Variants in DGKB observed in about 807,000 individuals in gnomAD.
The protein encoded by DGKB is 90 kDa diacylglycerol kinase.
DGKB carries 67 observed loss-of-function variants against 114.3 expected under a neutral mutation model. That is an observed-to-expected ratio of 0.59 (90% confidence interval 0.48 to 0.72). DGKB has a LOEUF of 0.72. Ranked by LOEUF, DGKB falls within the 30% of genes least tolerant of loss-of-function variation. DGKB has a pLI of 0.00. For synonymous variants in DGKB, 398 were observed against 323.1 expected, an observed-to-expected ratio of 1.23 and a Z score of -2.49; for missense variants, 907 against 975.2, an observed-to-expected ratio of 0.93 and a Z score of 0.93.
At chr7:14,231,141 TTC>T (rs759072732) in intron 23 of DGKB, among the ~76,000 whole-genome samples, 2 of 144,718 alleles carry the variant, frequency 1.4e-5, no homozygotes, top group African/African-American at 2.6e-5. Context: ...CTTTCTTTCT[TTC>T]TTTTTCTTTC....
At chr7:14,580,836 T>C (rs774864913) in intron 19 of DGKB, 26 bp downstream of exon 19, 1 of 1,554,772 alleles carries the variant, frequency 6.4e-7, no homozygotes, top group Non-Finnish European at 8.8e-7. Flanking sequence ...GTACTGTTTC[T>C]GCTTTTGTTG....
At chr7:14,695,625 G>A (rs1470161835) in intron 8 of DGKB, among the ~76,000 whole-genome samples, 3 of 148,912 alleles carry the variant, frequency 2.0e-5, no homozygotes, top group African/African-American at 4.9e-5. Flanking sequence ...TCAGCCTCCC[G>A]AGTAGCTGGG....
intron 13 of DGKB, among the ~76,000 whole-genome samples, chr7:14,644,062 A>G (rs936469647): frequency 5.3e-5 from 8 of 152,054 alleles, no homozygotes; most frequent in Non-Finnish European, 1.0e-4. Flanking sequence ...CTCCACAAAC[A>G]ACTACAGCCT....
intron 25 of DGKB, among the ~76,000 whole-genome samples, chr7:14,149,902 T>C (rs1428944903): frequency 6.6e-6 from 1 of 152,192 alleles, no homozygotes; most frequent in African/African-American, 2.4e-5. Flanking sequence ...AGCTACTCGT[T>C]TTGATTTCTT....
rs1173399974 is a variant in DGKB at position 14,667,832 on chromosome 7, G to T, written c.1134+5097C>A. Among the ~76,000 whole-genome samples, 6 of 152,174 alleles carry T rather than the reference G, an allele frequency of 3.9e-5. No homozygotes were observed. In the East Asian group the frequency reaches 1.2e-3, roughly 29 times the overall value. On this transcript the variant is annotated intron_variant, in intron 13 of 25. Transcript: ENST00000402815. Reference sequence around the variant, plus strand: ...AATATTTTTATTCCGTGACAAGAAAGTAACCTTTTAATTCGGACTTAGCTA... The same window carrying T: ...AATATTTTTATTCCGTGACAAGAAATTAACCTTTTAATTCGGACTTAGCTA...
intron 20 of DGKB, among the ~76,000 whole-genome samples, chr7:14,510,826 G>T (rs1302619427): frequency 6.6e-6 from 1 of 152,160 alleles, no homozygotes; most frequent in Non-Finnish European, 1.5e-5. Context: ...TGTGTTAGCA[G>T]GCATAAAAAC....
At chr7:14,613,634 G>A (rs1434629948) in intron 15 of DGKB, among the ~76,000 whole-genome samples, 1 of 151,798 alleles carries the variant, frequency 6.6e-6, no homozygotes, top group African/African-American at 2.4e-5. Flanking sequence ...AGAAAGGCAT[G>A]CCTATCTAGA....
At chr7:14,948,806 T>G (rs901540501) in intron 1 of DGKB, among the ~76,000 whole-genome samples, 4 of 151,560 alleles carry the variant, frequency 2.6e-5, no homozygotes, top group African/African-American at 7.3e-5. Context: ...ATATCAGACT[T>G]CTCAACAGCA....
intron 23 of DGKB, among the ~76,000 whole-genome samples, chr7:14,185,764 G>A (rs1326852324): frequency 6.6e-6 from 1 of 152,156 alleles, no homozygotes; most frequent in Admixed American, 6.5e-5. Context: ...CATAAAGTGG[G>A]GGAAAGGACA....
chr7:14,601,212 C>T (rs1803487065), intron 17 of DGKB, among the ~76,000 whole-genome samples: 1 of 152,166 alleles, frequency 6.6e-6, no homozygotes, highest in Admixed American at 6.5e-5. Context: ...TGGAGTGGCC[C>T]AGGAGTGCTG....
At chr7:14,554,903 T>A (rs1795661734) in intron 20 of DGKB, among the ~76,000 whole-genome samples, 1 of 152,172 alleles carries the variant, frequency 6.6e-6, no homozygotes, top group Admixed American at 6.5e-5. Flanking sequence ...TTATTTTTGT[T>A]GAAAACATTT....
At chr7:14,215,099 A>G (rs1333742545) in intron 23 of DGKB, among the ~76,000 whole-genome samples, 2 of 152,174 alleles carry the variant, frequency 1.3e-5, no homozygotes, top group Non-Finnish European at 2.9e-5. Context: ...CATGAACGCA[A>G]TGATTATGAC....
At chr7:14,444,482 A>G (rs1830475918) in intron 21 of DGKB, among the ~76,000 whole-genome samples, 1 of 151,864 alleles carries the variant, frequency 6.6e-6, no homozygotes, top group South Asian at 2.1e-4. Context: ...ATAAGAATTC[A>G]TATGCGGTCT....
At chr7:14,357,205 C>A (rs1814725525) in intron 21 of DGKB, among the ~76,000 whole-genome samples, 1 of 152,148 alleles carries the variant, frequency 6.6e-6, no homozygotes, top group Non-Finnish European at 1.5e-5. Flanking sequence ...GTGTTAATGT[C>A]TCCCATTATT....
At chr7:14,320,825 T>C (rs989364235) in intron 23 of DGKB, among the ~76,000 whole-genome samples, 18 of 152,032 alleles carry the variant, frequency 1.2e-4, no homozygotes, top group African/African-American at 3.9e-4. Context: ...CATAACCTTA[T>C]TAAATAAACC....
At chr7:14,407,145 G>A (rs1246375691) in intron 21 of DGKB, among the ~76,000 whole-genome samples, 1 of 152,090 alleles carries the variant, frequency 6.6e-6, no homozygotes, top group Non-Finnish European at 1.5e-5. Flanking sequence ...GTGCATGAAT[G>A]TGACAGGGAG....
chr7:14,521,965 C>T (rs1420898094), intron 20 of DGKB, among the ~76,000 whole-genome samples: 1 of 152,008 alleles, frequency 6.6e-6, no homozygotes, highest in African/African-American at 2.4e-5. Flanking sequence ...GTGAAGTCTG[C>T]CTTTTCACTG....
intron 23 of DGKB, among the ~76,000 whole-genome samples, chr7:14,259,785 G>A (rs192614160): frequency 2.4e-4 from 36 of 152,148 alleles, no homozygotes; most frequent in African/African-American, 6.0e-4. Flanking sequence ...TATAGATCAC[G>A]GGTGGTGCCC....
intron 1 of DGKB, among the ~76,000 whole-genome samples, chr7:14,965,419 A>T (rs779601401): frequency 6.6e-6 from 1 of 152,256 alleles, no homozygotes; most frequent in South Asian, 2.1e-4. Flanking sequence ...TGAATAACTC[A>T]TCTCAAGTAG....
Sources: allele counts gnomAD v4.1 joint callset (sites outside exome capture counted in the v4.1 genomes callset), GRCh38; gene constraint gnomAD v4.1.1; transcripts MANE v1.5; gene names NCBI Gene and HGNC (gene_info 2026-07-23, HGNC 2026-07-21).